SHISA9: variants seen among roughly 807,000 people sequenced by gnomAD.
SHISA9 encodes shisa family member 9, also known as protein shisa-9.
Under a neutral mutation model 38.0 loss-of-function variants are expected in SHISA9, and 13 were observed. That is an observed-to-expected ratio of 0.34 (90% CI 0.22 to 0.54). The LOEUF is 0.54. Ranked by LOEUF, SHISA9 falls within the 20% of genes least tolerant of loss-of-function variation. The pLI is 0.91. For synonymous variants in SHISA9, 275 were observed against 242.0 expected (o/e 1.14, Z -1.27); for missense variants, 538 against 575.8 (o/e 0.93, Z 0.67).
chr16:13,260,609 C>A, the SHISA9 span, among the ~76,000 whole-genome samples: 1 of 152,150 alleles, frequency 6.6e-6, no homozygotes, highest in Non-Finnish European at 1.5e-5. Flanking sequence ...TCAGCCTGGA[C>A]CTTATTGTCC....
At chr16:13,019,649 G>T (rs1002229531) in intron 2 of SHISA9, among the ~76,000 whole-genome samples, 9 of 151,890 alleles carry the variant, frequency 5.9e-5, no homozygotes, top group African/African-American at 2.2e-4. Context: ...ACAAGTGCAG[G>T]TTTGGTACAT....
chr16:13,452,785 C>T, the SHISA9 span, among the ~76,000 whole-genome samples: 14 of 151,956 alleles, frequency 9.2e-5, no homozygotes, highest in South Asian at 2.3e-3. Flanking sequence ...ACTAGGTCTT[C>T]CAATACACCA....
the SHISA9 span, among the ~76,000 whole-genome samples, chr16:13,254,137 C>G: frequency 9.9e-4 from 150 of 152,198 alleles, no homozygotes; most frequent in Non-Finnish European, 1.9e-3. Flanking sequence ...TAATAATTAC[C>G]ATTTATTGAA....
the SHISA9 span, among the ~76,000 whole-genome samples, chr16:13,451,437 C>T: frequency 6.6e-6 from 1 of 152,122 alleles, no homozygotes; most frequent in Non-Finnish European, 1.5e-5. Context: ...ATAAATAAGC[C>T]AACAGCAAAT....
the SHISA9 span, among the ~76,000 whole-genome samples, chr16:13,467,905 C>T: frequency 6.6e-6 from 1 of 152,218 alleles, no homozygotes; most frequent in African/African-American, 2.4e-5. Context: ...ACTTGCAAAA[C>T]AAATTTCATG....
the SHISA9 span, among the ~76,000 whole-genome samples, chr16:13,294,191 C>T: frequency 6.6e-6 from 1 of 152,138 alleles, no homozygotes; most frequent in Non-Finnish European, 1.5e-5. Flanking sequence ...CTAGGGTTTG[C>T]TGTGTAATAA....
chr16:13,419,866 T>C, the SHISA9 span, among the ~76,000 whole-genome samples: 1 of 152,190 alleles, frequency 6.6e-6, no homozygotes, highest in Non-Finnish European at 1.5e-5. Context: ...CTTGCTGACC[T>C]CCACTCTAGA....
At chr16:13,058,844 C>T (rs929814381) in intron 2 of SHISA9, among the ~76,000 whole-genome samples, 2 of 151,958 alleles carry the variant, frequency 1.3e-5, no homozygotes, top group African/African-American at 4.8e-5. Context: ...GACCAGCACA[C>T]ATAATACCGT....
chr16:13,476,656 C>T, the SHISA9 span, among the ~76,000 whole-genome samples: 4 of 151,680 alleles, frequency 2.6e-5, no homozygotes, highest in South Asian at 8.3e-4. Flanking sequence ...CAGGACTCTA[C>T]AGACCCTCCC....
intron 2 of SHISA9, among the ~76,000 whole-genome samples, chr16:13,171,322 G>T (rs896897512): frequency 6.6e-6 from 1 of 152,124 alleles, no homozygotes; most frequent in Non-Finnish European, 1.5e-5. Flanking sequence ...TTGGGGCAGG[G>T]GAGAAAACAT....
chr16:13,376,705 C>G, the SHISA9 span, among the ~76,000 whole-genome samples: 2 of 152,028 alleles, frequency 1.3e-5, no homozygotes, highest in African/African-American at 2.4e-5. Flanking sequence ...TCTTTCTTAT[C>G]TTTTTGGAGA....
At chr16:12,931,218 T>G (rs548195421) in intron 2 of SHISA9, among the ~76,000 whole-genome samples, 1 of 152,328 alleles carries the variant, frequency 6.6e-6, no homozygotes, top group African/African-American at 2.4e-5. Flanking sequence ...CTTGCTTACC[T>G]TTTCCTGGTT....
the SHISA9 span, among the ~76,000 whole-genome samples, chr16:13,418,639 T>G: frequency 0.17 from 25,339 of 152,164 alleles, 2,754 homozygotes; most frequent in East Asian, 0.38. Flanking sequence ...GCTGGAGCTC[T>G]GATGATGTGG....
chr16:13,370,460 G>C, the SHISA9 span, among the ~76,000 whole-genome samples: 1 of 152,174 alleles, frequency 6.6e-6, no homozygotes, highest in African/African-American at 2.4e-5. Context: ...ACACTATCTT[G>C]AAATTAAAGA....
chr16:12,912,617 C>G (rs531619648), intron 1 of SHISA9, among the ~76,000 whole-genome samples: 10 of 152,304 alleles, frequency 6.6e-5, no homozygotes, highest in Admixed American at 6.5e-4. Context: ...TGGAAGGCCT[C>G]TGTCTTTTGT....
chr16:13,558,508 C>A, the SHISA9 span, among the ~76,000 whole-genome samples: 94 of 152,292 alleles, frequency 6.2e-4, no homozygotes, highest in African/African-American at 2.2e-3. Flanking sequence ...ATCAATCAAT[C>A]AATGCATAAC....
the SHISA9 span, among the ~76,000 whole-genome samples, chr16:13,467,422 G>T: frequency 6.6e-6 from 1 of 152,168 alleles, no homozygotes; most frequent in African/African-American, 2.4e-5. Flanking sequence ...CCTCCTGGGA[G>T]TTCTAGGGCA....
chr16:12,909,226 G>T, intron 1 of SHISA9: 2 of 985,510 alleles, frequency 2.0e-6, no homozygotes, highest in Non-Finnish European at 2.4e-6. Context: ...CTTCATTGAA[G>T]TATAATTTAC....
intron 2 of SHISA9, among the ~76,000 whole-genome samples, chr16:13,017,873 C>T (rs970126387): frequency 3.3e-5 from 5 of 152,190 alleles, no homozygotes; most frequent in African/African-American, 9.7e-5. Context: ...ATGTCTTTGC[C>T]TTGAGGGCTA....
Sources: gnomAD v4.1 joint callset for allele counts (sites outside exome capture counted in the v4.1 genomes callset) on GRCh38, gnomAD v4.1.1 for gene constraint, MANE v1.5 for transcripts, NCBI Gene and HGNC (gene_info 2026-07-23, HGNC 2026-07-21) for gene names.